Variants in TBCEL observed in about 807,000 individuals in gnomAD.
The protein encoded by TBCEL is tubulin-specific chaperone cofactor E-like protein.
Under a neutral mutation model 44.2 loss-of-function variants are expected in TBCEL, and 15 were observed. The observed-to-expected ratio is 0.34, with a 90% CI of 0.23 to 0.52. The LOEUF (loss-of-function observed/expected upper bound fraction) is 0.52, where lower values mean the gene tolerates loss of function less well. Ranked by LOEUF, TBCEL falls within the 20% of genes least tolerant of loss-of-function variation. The pLI, the probability that TBCEL is intolerant of heterozygous loss-of-function variation, is 0.95. For synonymous variants in TBCEL, 171 were observed against 185.4 expected (o/e 0.92, Z 0.63); for missense variants, 319 against 506.3 (o/e 0.63, Z 3.55).
chr11:121,063,878 AG>A (rs1292195449), intron 8 of TBCEL, among the ~76,000 whole-genome samples: 1 of 152,206 alleles, frequency 6.6e-6, no homozygotes, highest in Admixed American at 6.5e-5. Flanking sequence ...TAGTAGTCTT[AG>A]ATTAATCTAC....
chr11:121,063,976 A>G (rs1945771455), intron 8 of TBCEL, among the ~76,000 whole-genome samples: 1 of 152,156 alleles, frequency 6.6e-6, no homozygotes, highest in Non-Finnish European at 1.5e-5. Flanking sequence ...TTTCTCCTTG[A>G]CAGTCAAGAT....
At chr11:121,071,588 G>T (rs1945935024) in intron 8 of TBCEL, among the ~76,000 whole-genome samples, 2 of 152,280 alleles carry the variant, frequency 1.3e-5, no homozygotes, top group South Asian at 4.1e-4. Flanking sequence ...TTTGTCCCAA[G>T]TAATCCCTAA....
intron 8 of TBCEL, among the ~76,000 whole-genome samples, chr11:121,070,814 A>G (rs1591411909): frequency 6.7e-6 from 1 of 149,078 alleles, no homozygotes; most frequent in South Asian, 2.2e-4. Context: ...GTGCACATGT[A>G]CCCTAGACCT....
chr11:121,071,318 A>G (rs569719989), intron 8 of TBCEL, among the ~76,000 whole-genome samples: 1 of 152,324 alleles, frequency 6.6e-6, no homozygotes, highest in South Asian at 2.1e-4. Flanking sequence ...TTTAGAAGTC[A>G]GCATATCATG....
intron 8 of TBCEL, among the ~76,000 whole-genome samples, chr11:121,060,392 A>T (rs920484720): frequency 6.6e-6 from 1 of 151,824 alleles, no homozygotes; most frequent in African/African-American, 2.4e-5. Flanking sequence ...TCTTTGGGGT[A>T]CATTTTTACC....
chr11:121,074,778 CCTG>C (rs1946003354), intron 8 of TBCEL, among the ~76,000 whole-genome samples: 1 of 151,880 alleles, frequency 6.6e-6, no homozygotes, highest in Admixed American at 6.6e-5. Context: ...GTTTTCTGTC[CCTG>C]CTGTTTTGAT....
chr11:121,034,600 G>A (rs190384050), intron 1 of TBCEL, among the ~76,000 whole-genome samples: 1 of 152,122 alleles, frequency 6.6e-6, no homozygotes, highest in Non-Finnish European at 1.5e-5. Context: ...CACATTTATG[G>A]GGTGTCAATT....
intron 8 of TBCEL, among the ~76,000 whole-genome samples, chr11:121,082,890 G>C (rs1946151349): frequency 6.6e-6 from 1 of 152,150 alleles, no homozygotes; most frequent in African/African-American, 2.4e-5. Flanking sequence ...CTTTAGCTGT[G>C]ATCTGGAGAT....
At chr11:121,028,515 G>A (rs924782007) in intron 1 of TBCEL, among the ~76,000 whole-genome samples, 1 of 152,172 alleles carries the variant, frequency 6.6e-6, no homozygotes, top group Admixed American at 6.5e-5. Flanking sequence ...CACTAGCTCT[G>A]GGCCCGTAAC....
chr11:121,051,618 A>C (rs1481719507), intron 4 of TBCEL, among the ~76,000 whole-genome samples: 1 of 151,798 alleles, frequency 6.6e-6, no homozygotes, highest in Non-Finnish European at 1.5e-5. Flanking sequence ...CATATATTGC[A>C]CAAATGTTTG....
intron 1 of TBCEL, among the ~76,000 whole-genome samples, chr11:121,027,972 C>T (rs1371543965): frequency 1.3e-5 from 2 of 151,852 alleles, no homozygotes. Context: ...TTTGGGAGGC[C>T]GAGGTAGGAG....
At chr11:121,057,764 T>C (rs151195041) in intron 6 of TBCEL, 134 of 341,818 alleles carry the variant, frequency 3.9e-4, no homozygotes, top group African/African-American at 2.7e-3. Context: ...TATATGCAAA[T>C]GCTATACTGT....
intron 8 of TBCEL, 79 bp downstream of exon 8, chr11:121,060,164 A>C: frequency 1.1e-6 from 1 of 948,144 alleles, no homozygotes; most frequent in Non-Finnish European, 1.7e-6. Context: ...GCAAAATCTA[A>C]TCATTTGTTA....
chr11:121,038,989 C>A (rs1945283110), intron 2 of TBCEL, among the ~76,000 whole-genome samples: 1 of 152,116 alleles, frequency 6.6e-6, no homozygotes, highest in East Asian at 1.9e-4. Context: ...TCATTTTTGA[C>A]CTCTCTCTAT....
At chr11:121,059,934 T>C in intron 7 of TBCEL, 35 bp from the exon 8 acceptor site, 1 of 1,455,926 alleles carries the variant, frequency 6.9e-7, no homozygotes, top group Non-Finnish European at 9.5e-7. Flanking sequence ...TATTAGTATC[T>C]TAAAAAATGT....
At position 121,055,239 on chromosome 11, in the gene TBCEL, A is replaced by G. The variant is rs1945598343; in HGVS notation, c.643A>G (p.Ile215Val). The G allele has an allele frequency of 1.2e-6, 2 of 1,611,958 alleles. No homozygotes were observed. Among genetic ancestry groups the G allele is most frequent in the Non-Finnish European group, 1.7e-6 (2 of 1,178,926 alleles). Residue 215 changes from isoleucine to valine, a missense_variant, in exon 6 of 9, where the codon ATT becomes GTT. Physicochemically the swap from Ile to Val is conservative, Grantham distance 29. Transcript: ENST00000683345. The stretch of plus-strand genomic sequence containing the variant: ...CCTGGCCAACAATCATTTGAATGCT[A>G]TTGAGGAGCCTGATGATTCATTGGC... ...LVLANNHLNA[I>V]EEPDDSLARL... is the part of the protein sequence containing the mutation.
At chr11:121,084,538 C>A (rs1946182589) in intron 8 of TBCEL, among the ~76,000 whole-genome samples, 1 of 151,878 alleles carries the variant, frequency 6.6e-6, no homozygotes, top group South Asian at 2.1e-4. Context: ...CATTTTGTGT[C>A]TCATTATCTT....
rs1945000322 is a variant in TBCEL at position 121,024,157 on chromosome 11, G to C, written c.-260G>C. 1 of 153,246 alleles carries C rather than the reference G, an allele frequency of 6.5e-6. No individual in the cohort carries two copies. Among genetic ancestry groups the C allele is most frequent in the African/African-American group, 2.4e-5 (1 of 41,474 alleles). The allele number at this position is 153,246 out of a possible 1,614,324, so 9.5% of individuals were successfully genotyped here. ...CGGCGGCCAGAGTGGGGGACTAGGT[G>C]AAGCGGCGCCGGGCCGGGGCTGGCC... On this transcript the variant is annotated 5_prime_UTR_variant, in exon 1 of 9. It removes the in-frame stop codon of an upstream open reading frame in the 5' UTR. Coordinates refer to ENST00000683345, the MANE Select transcript of TBCEL (RefSeq NM_001363644.2).
chr11:121,070,831 A>T (rs1945916094), intron 8 of TBCEL, among the ~76,000 whole-genome samples: 1 of 149,240 alleles, frequency 6.7e-6, no homozygotes, highest in Admixed American at 6.6e-5. Flanking sequence ...ACCTTAAAGT[A>T]TTTAAAAAAA....
Sources: allele counts gnomAD v4.1 joint callset (sites outside exome capture counted in the v4.1 genomes callset), GRCh38; gene constraint gnomAD v4.1.1; transcripts MANE v1.5; gene names NCBI Gene and HGNC (gene_info 2026-07-23, HGNC 2026-07-21).